Variants in USH2A observed in about 807,000 individuals in gnomAD.
USH2A encodes the protein Usher syndrome 2A (autosomal recessive, mild).
Under a neutral mutation model 538.9 loss-of-function variants are expected in USH2A, and 443 were observed. The observed-to-expected ratio is 0.82, with a 90% CI of 0.76 to 0.89. USH2A has a LOEUF of 0.89. Ranked by LOEUF, USH2A falls within the 40% of genes least tolerant of loss-of-function variation. The probability of loss-of-function intolerance (pLI) is 0.00; values close to 1 mark genes in which losing one functional copy is unlikely to be tolerated. For synonymous variants in USH2A, 2,413 were observed against 2,273.5 expected (o/e 1.06, Z -1.75); for missense variants, 6,633 against 6,324.8 (o/e 1.05, Z -1.65).
chr1:215,713,877 G>GA (rs1190344851), intron 61 of USH2A, among the ~76,000 whole-genome samples: 1 of 152,208 alleles, frequency 6.6e-6, no homozygotes, highest in Admixed American at 6.5e-5. Context: ...ATAACAGAAA[G>GA]AAAAGGCTTT....
At chr1:216,186,974 T>A (rs1364221956) in intron 20 of USH2A, among the ~76,000 whole-genome samples, 1 of 151,922 alleles carries the variant, frequency 6.6e-6, no homozygotes, top group Non-Finnish European at 1.5e-5. Flanking sequence ...CTCCCTCTTC[T>A]AATCTATTGT....
At chr1:216,273,675 C>T (rs944066555) in intron 11 of USH2A, among the ~76,000 whole-genome samples, 6 of 151,866 alleles carry the variant, frequency 4.0e-5, no homozygotes, top group Non-Finnish European at 7.4e-5. Context: ...CAATTAAATG[C>T]TATATCACTG....
intron 38 of USH2A, among the ~76,000 whole-genome samples, chr1:215,915,722 AAAGACACAT>A (rs1665935911): frequency 6.6e-6 from 1 of 151,966 alleles, no homozygotes; most frequent in Admixed American, 6.6e-5. Context: ...ATGCTGCTAT[AAAGACACAT>A]GCACACATAT....
In USH2A at chr1:216,199,789, C is replaced by T. The variant is rs202247801; in HGVS notation, c.3649G>A (p.Asp1217Asn). The change falls in exon 17 of 72, where the codon GAT becomes AAT. Residue 1217 changes from aspartate (D) to asparagine (N), a missense_variant. Transcript: ENST00000307340. ...IWNLVPFAKY[D>N]FSVQACTSGG... is the part of the protein sequence containing the mutation. ...CTAGTACACGCCTGTACAGAAAAATCGTACTTGGCAAATGGAACCAGATTC... is the reference window on the plus strand; with the variant it reads ...CTAGTACACGCCTGTACAGAAAAATTGTACTTGGCAAATGGAACCAGATTC... 25 of 1,613,996 alleles carry T rather than the reference C, an allele frequency of 1.5e-5. No individual in the cohort carries two copies. Among genetic ancestry groups the T allele is most frequent in the South Asian group, 1.1e-4 (10 of 91,088 alleles).
At chr1:215,992,621 TTTTGA>T in intron 35 of USH2A, among the ~76,000 whole-genome samples, 1 of 152,210 alleles carries the variant, frequency 6.6e-6, no homozygotes, top group Non-Finnish European at 1.5e-5. Context: ...ATCAAAAGCG[TTTTGA>T]CACAATATGT....
At chr1:216,099,766 T>C (rs1383895274) in intron 21 of USH2A, among the ~76,000 whole-genome samples, 1 of 152,118 alleles carries the variant, frequency 6.6e-6, no homozygotes, top group Non-Finnish European at 1.5e-5. Context: ...AATGGGGCAT[T>C]AATAACAGAA....
In USH2A at chr1:215,675,410, C is replaced by T. The variant is rs1157496078; in HGVS notation, c.12501G>A (p.Lys4167=). 1 of 1,614,122 alleles carries T rather than the reference C, an allele frequency of 6.2e-7. No homozygotes were observed. The highest frequency in any genetic ancestry group is 8.5e-7 in the Non-Finnish European group (1 of 1,180,010). ...ACCAGCTCAGCTCAACACTGGTGGA[C>T]TTCACAGAGTGGACAGTAGGAGCCA... ...SQLAPTVHSV[K]STSVELSWSE... Residue 4167 remains lysine (K), a synonymous_variant, in exon 63 of 72, where the codon AAG becomes AAA. Transcript: ENST00000307340.
intron 32 of USH2A, among the ~76,000 whole-genome samples, chr1:216,016,206 G>T (rs2102497210): frequency 7.1e-6 from 1 of 140,814 alleles, no homozygotes; most frequent in South Asian, 2.4e-4. Context: ...GGTGGGCGGG[G>T]AGGGGAGGGA....
At chr1:216,415,231 A>C (rs11117570) in intron 3 of USH2A, among the ~76,000 whole-genome samples, 1 of 151,924 alleles carries the variant, frequency 6.6e-6, no homozygotes, top group South Asian at 2.1e-4. Flanking sequence ...TTTATGAAGA[A>C]TTCAAAAGGC....
intron 61 of USH2A, among the ~76,000 whole-genome samples, chr1:215,680,896 C>T (rs529478599): frequency 2.0e-5 from 3 of 150,620 alleles, no homozygotes; most frequent in African/African-American, 7.5e-5. Flanking sequence ...ATATATCTTA[C>T]GAATTCAATA....
At chr1:215,722,549 T>C (rs1659692200) in intron 61 of USH2A, among the ~76,000 whole-genome samples, 1 of 152,222 alleles carries the variant, frequency 6.6e-6, no homozygotes, top group African/African-American at 2.4e-5. Context: ...CATATCTACT[T>C]AATGGTAAAG....
At chr1:216,393,050 A>G (rs11117565) in intron 3 of USH2A, among the ~76,000 whole-genome samples, 89,243 of 152,034 alleles carry the variant, frequency 0.59, 27,355 homozygotes, top group East Asian at 0.84. Flanking sequence ...TGTCTTTTAC[A>G]TTAATGAAGT....
chr1:216,217,909 T>C (rs961257341), intron 14 of USH2A, among the ~76,000 whole-genome samples: 1 of 152,136 alleles, frequency 6.6e-6, no homozygotes, highest in Non-Finnish European at 1.5e-5. Flanking sequence ...AAAAGCAGTG[T>C]TCCTGTCAGC....
chr1:216,292,243 T>C lies in USH2A; in HGVS notation c.1772A>G (p.Asp591Gly), dbSNP rs2102610850. The change falls in exon 10 of 72, where the codon GAC becomes GGC. Residue 591 changes from aspartate (D) to glycine (G), a missense_variant. Transcript: ENST00000307340. Reference sequence around the variant, plus strand: ...TCTGAAGTGCTCAAAAGGAAATGGGTCTACAGAGATGTTGTAATGGCAGCT... The same window carrying C: ...TCTGAAGTGCTCAAAAGGAAATGGGCCTACAGAGATGTTGTAATGGCAGCT... Reference protein sequence around the residue: ...SKSCHYNISVDPFPFEHFRGG... With the variant: ...SKSCHYNISVGPFPFEHFRGG... 1.2e-6 allele frequency: 2 copies of C among 1,614,026 alleles called. No individual in the cohort carries two copies. The highest frequency in any genetic ancestry group is 1.7e-6 in the Non-Finnish European group (2 of 1,179,958).
chr1:216,203,482 T>G (rs1220384555), intron 16 of USH2A, among the ~76,000 whole-genome samples: 2 of 152,104 alleles, frequency 1.3e-5, no homozygotes, highest in African/African-American at 4.8e-5. Flanking sequence ...TTTGGAACAT[T>G]GTTGACCATG....
At chr1:216,221,827 C>T (rs2035462535) in intron 14 of USH2A, among the ~76,000 whole-genome samples, 1 of 152,178 alleles carries the variant, frequency 6.6e-6, no homozygotes, top group Non-Finnish European at 1.5e-5. Flanking sequence ...AAAGTGCTCA[C>T]AGATAGAAGA....
intron 8 of USH2A, among the ~76,000 whole-genome samples, chr1:216,322,655 G>A (rs2037641545): frequency 6.6e-6 from 1 of 150,676 alleles, no homozygotes; most frequent in African/African-American, 2.4e-5. Flanking sequence ...ACAATAAACT[G>A]CAGAATGCAG....
rs200629789 is a variant in USH2A, at chr1:215,965,328, T to G, written c.7109A>C (p.Tyr2370Ser). Residue 2370 changes from tyrosine (Y) to serine (S), a missense_variant, in exon 37 of 72, where the codon TAT becomes TCT. By Grantham distance (144) the Tyr-to-Ser change is moderately radical. Coordinates refer to ENST00000307340, the MANE Select transcript of USH2A (RefSeq NM_206933.4). ...TAAAAACAAATTACCTGGGTCTACA[T>G]AGAATATCCCAGTGAAAAGGACTGA... Reference protein sequence around the residue: ...THSVLFTGIFYVDPVGNNYTL... With the variant: ...THSVLFTGIFSVDPVGNNYTL... 2 of 1,613,640 alleles carry G rather than the reference T, an allele frequency of 1.2e-6. No homozygotes were observed. Among genetic ancestry groups the G allele is most frequent in the South Asian group, 2.2e-5 (2 of 91,032 alleles).
intron 21 of USH2A, among the ~76,000 whole-genome samples, chr1:216,162,843 G>C (rs970899524): frequency 6.6e-6 from 1 of 152,010 alleles, no homozygotes; most frequent in African/African-American, 2.4e-5. Flanking sequence ...CTACCAAGCA[G>C]ATCTTCTCTA....
Sources: allele counts gnomAD v4.1 joint callset (sites outside exome capture counted in the v4.1 genomes callset), GRCh38; gene constraint gnomAD v4.1.1; transcripts MANE v1.5; gene names NCBI Gene and HGNC (gene_info 2026-07-23, HGNC 2026-07-21).